The following GNG11 variants were observed in gnomAD, a reference collection of about 807,000 sequenced individuals.
GNG11 encodes the protein guanine nucleotide-binding protein G(I)/G(S)/G(O) subunit gamma-11.
GNG11 carries 6 observed loss-of-function variants against 7.4 expected under a neutral mutation model. The ratio of observed to expected loss-of-function variants is 0.81; its 90% CI spans 0.44 to 1.60. The LOEUF is 1.60. Among genes scored for constraint, GNG11 ranks in the 40% most tolerant of loss-of-function variants. The probability of loss-of-function intolerance (pLI) is 0.01; values close to 1 mark genes in which losing one functional copy is unlikely to be tolerated. For missense variants in GNG11, 65 were observed against 83.0 expected, an observed-to-expected ratio of 0.78 and a Z score of 0.84; for synonymous variants, 31 against 25.9, an observed-to-expected ratio of 1.20 and a Z score of -0.60.
intron 1 of GNG11, among the ~76,000 whole-genome samples, chr7:93,924,123 T>C (rs1361943173): frequency 3.3e-5 from 5 of 152,180 alleles, no homozygotes; most frequent in Admixed American, 1.3e-4. Context: ...TTCTTCTCAT[T>C]CCCAGTCCAT....
In GNG11 at chr7:93,927,416, C is replaced by T. The variant is rs1307988059; in HGVS notation, c.*1200C>T. On this transcript the variant is annotated 3_prime_UTR_variant, in exon 2 of 2. Coordinates refer to ENST00000248564, the MANE Select transcript of GNG11 (RefSeq NM_004126.4). ...CACCTTGAGCATTCTCCCGCTTCTT[C>T]TCCGTCTTTTGGGTCAAAATTGCTC... 2 of 152,210 alleles carry T rather than the reference C, an allele frequency of 1.3e-5. No homozygotes were observed. The highest frequency in any genetic ancestry group is 2.9e-5 in the Non-Finnish European group (2 of 68,044). The allele number at this position is 152,210 out of a possible 1,614,324, so 9.4% of individuals were successfully genotyped here.
intron 1 of GNG11, among the ~76,000 whole-genome samples, chr7:93,923,246 C>T (rs548210269): frequency 2.6e-5 from 4 of 152,248 alleles, no homozygotes; most frequent in African/African-American, 7.2e-5. Context: ...TATAATAAAT[C>T]TGTTAAGGGC....
At chr7:93,925,799 G>A (rs1336215711) in intron 1 of GNG11, among the ~76,000 whole-genome samples, 2 of 152,074 alleles carry the variant, frequency 1.3e-5, no homozygotes, top group African/African-American at 2.4e-5. Flanking sequence ...TTTATTTAAT[G>A]CAGTGACTTT....
At position 93,926,606 on chromosome 7, in the gene GNG11, T is replaced by C. The variant is rs1005669176; in HGVS notation, c.*390T>C. On this transcript the variant is annotated 3_prime_UTR_variant, in exon 2 of 2. Transcript: ENST00000248564. ...TTTGGGTGTGGAGTATGATTGGGTT[T>C]GGAATATGATTCAGAAGGTTAGGTG... 6.5e-6 allele frequency: 1 copy of C among 154,434 alleles called. No individual in the cohort carries two copies. Among genetic ancestry groups the C allele is most frequent in the African/African-American group, 2.4e-5 (1 of 41,512 alleles). The allele number at this position is 154,434 out of a possible 1,614,324, so 9.6% of individuals were successfully genotyped here.
rs1324153170 is a variant in GNG11 at position 93,927,224 on chromosome 7, GAT to G, written c.*1011_*1012del. On this transcript the variant is annotated 3_prime_UTR_variant, in exon 2 of 2. Transcript: ENST00000248564. ...TTCTGGCCATTTATTCGTGTTTGGTGATATGTGTTGCGAATACCTTCTCCCAG... is the reference window on the plus strand; with the variant it reads ...TTCTGGCCATTTATTCGTGTTTGGTGATGTGTTGCGAATACCTTCTCCCAG... The G allele has an allele frequency of 6.6e-6, 1 of 152,176 alleles. No individual in the cohort carries two copies. Among genetic ancestry groups the G allele is most frequent in the Non-Finnish European group, 1.5e-5 (1 of 68,038 alleles). The allele number at this position is 152,176 out of a possible 1,614,324, so 9.4% of individuals were successfully genotyped here.
In GNG11 at chr7:93,922,006, C is replaced by A; in HGVS notation, c.-132C>A. The A allele has an allele frequency of 1.9e-6, 1 of 523,148 alleles. No individual in the cohort carries two copies. 32.4% of individuals were successfully genotyped at this position (523,148 alleles called of 1,614,324 possible). ...GCCCTCGGGGAGCTGGGGACCGCAG[C>A]AGGGCTGCAGTCACATCCTGCGCGG... On this transcript the variant is annotated 5_prime_UTR_variant, in exon 1 of 2. Transcript: ENST00000248564.
chr7:93,923,045 T>G (rs1794635746), intron 1 of GNG11, among the ~76,000 whole-genome samples: 3 of 152,356 alleles, frequency 2.0e-5, no homozygotes, highest in South Asian at 4.1e-4. Context: ...TCTTCCTGTT[T>G]TAACTCAATC....
Position 93,922,063 on chromosome 7 carries a change from G to A in GNG11, c.-75G>A. 1.1e-6 allele frequency: 1 copy of A among 916,108 alleles called. No individual in the cohort carries two copies. The highest frequency in any genetic ancestry group is 1.6e-6 in the Non-Finnish European group (1 of 610,112). 56.7% of individuals were successfully genotyped at this position (916,108 alleles called of 1,614,324 possible). ...GGCGGGCCAGGCCTTCAGTTGTTTC[G>A]GGACGCGCCGAGCTTCGCCGCTCTT... On this transcript the variant is annotated 5_prime_UTR_variant, in exon 1 of 2. Coordinates refer to ENST00000248564, the MANE Select transcript of GNG11 (RefSeq NM_004126.4).
In GNG11 at chr7:93,923,051, C is replaced by T. The variant is rs143012634; in HGVS notation, c.96+818C>T. The stretch of plus-strand genomic sequence containing the variant: ...ACTAATCCCTCTTCCTGTTTTAACT[C>T]AATCAGGCATCCTGTAGACTAGGAA... On this transcript the variant is annotated intron_variant, in intron 1 of 1. Coordinates refer to ENST00000248564, the MANE Select transcript of GNG11 (RefSeq NM_004126.4). Among the ~76,000 whole-genome samples the T allele has an allele frequency of 4.4e-3, 664 of 152,266 alleles. 6 individuals carry two copies. Among genetic ancestry groups the T allele is most frequent in the African/African-American group, 0.015 (638 of 41,548 alleles).
chr7:93,926,002 GTA>G (rs757500060), intron 1 of GNG11, 87 bp from the exon 2 acceptor site: 84 of 609,994 alleles, frequency 1.4e-4, no homozygotes, highest in Non-Finnish European at 2.1e-4. Context: ...AAAACTTATT[GTA>G]TTCAATTATA....
At chr7:93,925,727 T>C (rs909915291) in intron 1 of GNG11, among the ~76,000 whole-genome samples, 104 of 152,256 alleles carry the variant, frequency 6.8e-4, no homozygotes, top group African/African-American at 2.2e-3. Context: ...CATGGCATAA[T>C]TGTATTTTAG....
chr7:93,924,944 C>G (rs895908701), intron 1 of GNG11, among the ~76,000 whole-genome samples: 1 of 152,174 alleles, frequency 6.6e-6, no homozygotes, highest in East Asian at 1.9e-4. Context: ...GCGGGCGGAT[C>G]ACGAGGTCAG....
rs111607089 is a variant in GNG11 at position 93,927,861 on chromosome 7, A to C, written c.*1645A>C. ...AAAACTACTACTCCTAGGAAGGAGT[A>C]GTATGATCTACTACTCTTAGGAAGG... On this transcript the variant is annotated 3_prime_UTR_variant, in exon 2 of 2. Transcript: ENST00000248564. 4.8e-4 allele frequency: 73 copies of C among 152,312 alleles called. No individual in the cohort carries two copies. Among genetic ancestry groups the C allele is most frequent in the African/African-American group, 1.6e-3 (68 of 41,570 alleles). 9.4% of individuals were successfully genotyped at this position (152,312 alleles called of 1,614,324 possible).
At position 93,927,835 on chromosome 7, in the gene GNG11, C is replaced by T. The variant is rs1794703236; in HGVS notation, c.*1619C>T. 1 of 152,046 alleles carries T rather than the reference C, an allele frequency of 6.6e-6. No homozygotes were observed. Among genetic ancestry groups the T allele is most frequent in the Admixed American group, 6.6e-5 (1 of 15,254 alleles). 9.4% of individuals were successfully genotyped at this position (152,046 alleles called of 1,614,324 possible). On this transcript the variant is annotated 3_prime_UTR_variant, in exon 2 of 2. Coordinates refer to ENST00000248564, the MANE Select transcript of GNG11 (RefSeq NM_004126.4). ...TGAGAGCCCAGGGATAATTTTAGCC[C>T]AAAACTACTACTCCTAGGAAGGAGT...
chr7:93,922,523 G>A (rs1794629782), intron 1 of GNG11, among the ~76,000 whole-genome samples: 1 of 152,088 alleles, frequency 6.6e-6, no homozygotes, highest in Non-Finnish European at 1.5e-5. Context: ...TTAGACAGCT[G>A]TTTTTCAAAA....
At position 93,927,705 on chromosome 7, in the gene GNG11, C is replaced by G. The variant is rs556272586; in HGVS notation, c.*1489C>G. On this transcript the variant is annotated 3_prime_UTR_variant, in exon 2 of 2. Coordinates refer to ENST00000248564, the MANE Select transcript of GNG11 (RefSeq NM_004126.4). ...TTTCCTTTCCCTCTCTGGGAAAGAA[C>G]AGAATACCCCAGGCTTTTGAAAAAT... The G allele has an allele frequency of 1.3e-5, 2 of 152,134 alleles. No individual in the cohort carries two copies. Among genetic ancestry groups the G allele is most frequent in the Non-Finnish European group, 2.9e-5 (2 of 68,030 alleles). 9.4% of individuals were successfully genotyped at this position (152,134 alleles called of 1,614,324 possible).
At chr7:93,925,704 A>G (rs1794668248) in intron 1 of GNG11, among the ~76,000 whole-genome samples, 3 of 152,192 alleles carry the variant, frequency 2.0e-5, no homozygotes, top group Admixed American at 1.3e-4. Context: ...TTCAGTTCCT[A>G]AAATATTGTA....
In GNG11 at chr7:93,926,234, G is replaced by T; in HGVS notation, c.*18G>T. 3.9e-6 allele frequency: 6 copies of T among 1,550,368 alleles called. No individual in the cohort carries two copies. Among genetic ancestry groups the T allele is most frequent in the Non-Finnish European group, 5.2e-6 (6 of 1,150,886 alleles). ...TTTCATAAATAACTTGGGAGAAACTGCATCCTAAGTGGAAGAACTAGTTTG... is the reference window on the plus strand; with the variant it reads ...TTTCATAAATAACTTGGGAGAAACTTCATCCTAAGTGGAAGAACTAGTTTG... On this transcript the variant is annotated 3_prime_UTR_variant, in exon 2 of 2. Transcript: ENST00000248564.
At position 93,928,228 on chromosome 7, in the gene GNG11, TC is replaced by T. The variant is rs1794707197; in HGVS notation, c.*2014del. 1 of 152,178 alleles carries T rather than the reference TC, an allele frequency of 6.6e-6. No homozygotes were observed. Among genetic ancestry groups the T allele is most frequent in the Non-Finnish European group, 1.5e-5 (1 of 68,034 alleles). 9.4% of individuals were successfully genotyped at this position (152,178 alleles called of 1,614,324 possible). A position where few individuals can be genotyped will look rare whatever the true frequency, so the allele number is the denominator to read the frequency against. ...CTATCCATTTGTGTACACTCCCAAG[TC>T]CTAGCTTTTGCTCTTCATGTCTCTT... On this transcript the variant is annotated 3_prime_UTR_variant, in exon 2 of 2. Transcript: ENST00000248564.
Sources: allele counts gnomAD v4.1 joint callset (sites outside exome capture counted in the v4.1 genomes callset), GRCh38; gene constraint gnomAD v4.1.1; transcripts MANE v1.5; gene names NCBI Gene and HGNC (gene_info 2026-07-23, HGNC 2026-07-21).